Variants in SLC5A4 observed in about 807,000 individuals in gnomAD.
SLC5A4 encodes the protein solute carrier family 5 member 4, also known as probable glucose sensor protein SLC5A4.
A neutral mutation model predicts 70.3 loss-of-function variants in SLC5A4; 55 were observed. The ratio of observed to expected loss-of-function variants is 0.78; its 90% CI spans 0.63 to 0.98. The LOEUF (loss-of-function observed/expected upper bound fraction) is 0.98. SLC5A4 is among the 50% of genes least tolerant of loss of function. The pLI is 0.00. For missense variants in SLC5A4, 735 were observed against 839.2 expected (o/e 0.88, Z 1.53); for synonymous variants, 268 against 305.7 (o/e 0.88, Z 1.29).
chr22:32,258,677 C>T (rs1948947666), upstream of SLC5A4, among the ~76,000 whole-genome samples: 1 of 152,120 alleles, frequency 6.6e-6, no homozygotes. Flanking sequence ...CGGTATGAAG[C>T]TTCTTCAAAA....
the SLC5A4 span, among the ~76,000 whole-genome samples, chr22:32,328,118 C>T: frequency 6.7e-6 from 1 of 148,950 alleles, no homozygotes; most frequent in African/African-American, 2.5e-5. Flanking sequence ...ACCAGAGCCC[C>T]CAAAACACAC....
chr22:32,314,404 G>A, the SLC5A4 span, among the ~76,000 whole-genome samples: 1 of 152,138 alleles, frequency 6.6e-6, no homozygotes, highest in Non-Finnish European at 1.5e-5. Flanking sequence ...GCATACTGTA[G>A]GGGCTTAATA....
chr22:32,237,798 T>C (rs5998329), intron 6 of SLC5A4, among the ~76,000 whole-genome samples: 75,982 of 151,902 alleles, frequency 0.5, 20,249 homozygotes, highest in African/African-American at 0.68. Flanking sequence ...ACAACAAAAA[T>C]CCAAACCCAA....
intron 8 of SLC5A4, among the ~76,000 whole-genome samples, chr22:32,233,492 T>A (rs553099349): frequency 5.9e-5 from 9 of 152,106 alleles, no homozygotes; most frequent in East Asian, 5.8e-4. Context: ...TAGGCAATAC[T>A]GGAAAAAGGA....
At chr22:32,269,568 C>A in the SLC5A4 span, 1 of 627,438 alleles carries the variant, frequency 1.6e-6, no homozygotes, top group Non-Finnish European at 3.1e-6. This position sits in a 1 kb window ranked among gnomAD's most constrained non-coding sequence, Gnocchi z 4.1. Context: ...AGGTGCACCC[C>A]GTCATCTGAT....
chr22:32,311,926 CT>C, the SLC5A4 span, among the ~76,000 whole-genome samples: 3 of 152,140 alleles, frequency 2.0e-5, no homozygotes, highest in African/African-American at 7.2e-5. Flanking sequence ...TCCTGCACCC[CT>C]GAGGTCAAAC....
At chr22:32,254,298 G>A in intron 1 of SLC5A4, 85 bp from the exon 2 acceptor site, 1 of 947,988 alleles carries the variant, frequency 1.1e-6, no homozygotes, top group Non-Finnish European at 1.7e-6. Flanking sequence ...GTGCTGAGAG[G>A]GGTGACTTCA....
the SLC5A4 span, among the ~76,000 whole-genome samples, chr22:32,289,406 C>T: frequency 1.3e-5 from 2 of 152,154 alleles, no homozygotes; most frequent in South Asian, 2.1e-4. Flanking sequence ...GGGGTGGTTT[C>T]TCCATGCTGT....
At chr22:32,351,490 T>G in the SLC5A4 span, among the ~76,000 whole-genome samples, 2 of 151,178 alleles carry the variant, frequency 1.3e-5, no homozygotes, top group Non-Finnish European at 2.9e-5. Flanking sequence ...GATCACAAGG[T>G]CAGGAGTTCA....
rs781126910 is a variant in SLC5A4 at position 32,255,343 on chromosome 22, G to A, written c.-14C>T. The A allele has an allele frequency of 6.2e-6, 10 of 1,611,904 alleles. No individual in the cohort carries two copies. Among genetic ancestry groups the A allele is most frequent in the African/African-American group, 2.7e-5 (2 of 74,994 alleles). ...CGTACTGGCCATGGCTGCAGGCAGT[G>A]CTATACCCATTCCACGCATGAGCCA... On this transcript the variant is annotated 5_prime_UTR_variant, in exon 1 of 15. Coordinates refer to ENST00000266086, the MANE Select transcript of SLC5A4 (RefSeq NM_014227.3).
At chr22:32,350,940 C>T in the SLC5A4 span, among the ~76,000 whole-genome samples, 2 of 151,010 alleles carry the variant, frequency 1.3e-5, no homozygotes, top group Admixed American at 6.6e-5. Context: ...AAGGTAGTAA[C>T]ATTAGGAATA....
chr22:32,269,978 A>T, the SLC5A4 span: 1 of 512,060 alleles, frequency 2.0e-6, no homozygotes, highest in Non-Finnish European at 3.9e-6. The surrounding 1 kb of genome is among the most constrained non-coding windows in gnomAD (Gnocchi z 4.1). Context: ...TGCCTGGGCA[A>T]CTCTCTCCTC....
At chr22:32,333,077 AG>A in the SLC5A4 span, among the ~76,000 whole-genome samples, 40 of 152,196 alleles carry the variant, frequency 2.6e-4, no homozygotes, top group Middle Eastern at 6.8e-3. Context: ...ATCTTACACA[AG>A]GGGAAAGTGA....
At chr22:32,236,773 C>T (rs897039535) in intron 7 of SLC5A4, among the ~76,000 whole-genome samples, 2 of 150,468 alleles carry the variant, frequency 1.3e-5, no homozygotes, top group African/African-American at 4.9e-5. Flanking sequence ...GGCGCCATCT[C>T]GGCTCGCTGC....
chr22:32,313,101 G>C, the SLC5A4 span, among the ~76,000 whole-genome samples: 1 of 152,190 alleles, frequency 6.6e-6, no homozygotes, highest in Non-Finnish European at 1.5e-5. Context: ...CAAAATTACA[G>C]TTAATTGTGG....
the SLC5A4 span, among the ~76,000 whole-genome samples, chr22:32,344,624 G>T: frequency 2.6e-5 from 4 of 152,066 alleles, no homozygotes; most frequent in African/African-American, 9.7e-5. Flanking sequence ...GCGATTGGCA[G>T]ATTTTAATAT....
chr22:32,279,603 C>A, the SLC5A4 span, among the ~76,000 whole-genome samples: 7 of 152,086 alleles, frequency 4.6e-5, no homozygotes, highest in Non-Finnish European at 1.5e-5. Flanking sequence ...CCAGCCTGGC[C>A]AACACGGTGA....
chr22:32,271,111 G>A, the SLC5A4 span: 9 of 603,540 alleles, frequency 1.5e-5, no homozygotes, highest in African/African-American at 3.7e-5. Context: ...AGCCCCTGCC[G>A]ACTGGGACTC....
the SLC5A4 span, among the ~76,000 whole-genome samples, chr22:32,267,524 G>A: frequency 6.6e-6 from 1 of 152,120 alleles, no homozygotes; most frequent in Admixed American, 6.5e-5. Context: ...CATCACCCAG[G>A]CTGGAGTGCA....
Sources: allele counts gnomAD v4.1 joint callset (sites outside exome capture counted in the v4.1 genomes callset), GRCh38; gene constraint gnomAD v4.1.1; non-coding constraint Gnocchi (gnomAD v3.1); transcripts MANE v1.5; gene names NCBI Gene and HGNC (gene_info 2026-07-23, HGNC 2026-07-21).